SOX5: variants seen among roughly 807,000 people sequenced by gnomAD.
The protein encoded by SOX5 is transcription factor SOX-5.
SOX5 carries 9 observed loss-of-function variants against 92.0 expected under a neutral mutation model. The observed-to-expected ratio is 0.10, with a 90% CI of 0.06 to 0.17. The LOEUF is 0.17. Among genes scored for constraint, SOX5 ranks in the 10% least tolerant of loss-of-function variants. SOX5 has a pLI of 1.00. For synonymous variants in SOX5, 344 were observed against 336.3 expected (o/e 1.02, Z -0.25); for missense variants, 642 against 944.5 (o/e 0.68, Z 4.20).
At chr12:23,673,231 T>C (rs933258261) in intron 6 of SOX5, among the ~76,000 whole-genome samples, 14 of 152,254 alleles carry the variant, frequency 9.2e-5, no homozygotes, top group African/African-American at 2.9e-4. Context: ...TATTTAAAAT[T>C]GGGTTATTAT....
intron 2 of SOX5, among the ~76,000 whole-genome samples, chr12:24,305,814 C>T (rs1471501690): frequency 6.6e-6 from 1 of 152,154 alleles, no homozygotes; most frequent in Non-Finnish European, 1.5e-5. Context: ...CCACGCTGGT[C>T]TTGAACTCCT....
chr12:24,022,427 G>A (rs550088021), intron 4 of SOX5, among the ~76,000 whole-genome samples: 11 of 152,260 alleles, frequency 7.2e-5, no homozygotes, highest in African/African-American at 2.6e-4. Context: ...CAAAAAAGCA[G>A]CCTTGTAGGC....
chr12:24,496,655 G>T (rs1474739109), intron 1 of SOX5, among the ~76,000 whole-genome samples: 1 of 152,128 alleles, frequency 6.6e-6, no homozygotes, highest in Non-Finnish European at 1.5e-5. Flanking sequence ...AGTTGGAAAA[G>T]AAACAATAAA....
At chr12:23,986,638 T>G (rs1056254072) in intron 4 of SOX5, among the ~76,000 whole-genome samples, 2 of 152,158 alleles carry the variant, frequency 1.3e-5, no homozygotes, top group East Asian at 1.9e-4. Context: ...AATAACAGAT[T>G]TGAATGATCC....
At chr12:23,858,578 C>A (rs569272003) in intron 2 of SOX5, among the ~76,000 whole-genome samples, 3 of 152,226 alleles carry the variant, frequency 2.0e-5, no homozygotes, top group Admixed American at 1.3e-4. Context: ...GAAGAGGGAA[C>A]CCTTATACAC....
intron 4 of SOX5, among the ~76,000 whole-genome samples, chr12:23,967,141 A>G (rs1947683730): frequency 6.6e-6 from 1 of 152,178 alleles, no homozygotes; most frequent in South Asian, 2.1e-4. Context: ...CATTTCATTT[A>G]TTACTCAATA....
intron 7 of SOX5, among the ~76,000 whole-genome samples, chr12:23,650,140 G>A (rs1329803873): frequency 3.9e-5 from 6 of 152,006 alleles, no homozygotes; most frequent in African/African-American, 1.2e-4. Flanking sequence ...AATCAAGTGA[G>A]GAGGATTCAC....
intron 3 of SOX5, among the ~76,000 whole-genome samples, chr12:23,770,605 T>C (rs2094901661): frequency 6.6e-6 from 1 of 152,172 alleles, no homozygotes; most frequent in Admixed American, 6.6e-5. Flanking sequence ...TTTTGTGAAA[T>C]TCTCTGAACG....
chr12:23,702,905 A>C (rs2090865255), intron 6 of SOX5, among the ~76,000 whole-genome samples: 1 of 152,090 alleles, frequency 6.6e-6, no homozygotes, highest in African/African-American at 2.4e-5. Flanking sequence ...AAGCTTATAG[A>C]ATTTCTCACA....
Position 23,970,382 on chromosome 12 carries a change from C to T in SOX5, c.-1-74358G>A, listed in dbSNP as rs142234031. On this transcript the variant is annotated intron_variant, in intron 4 of 4. Coordinates refer to the SOX5 transcript ENST00000446891. ...TCACAATGTTGTGCAACAACTACCA[C>T]TATCTGTTCTCGAAACTTTTTCATC... Among the ~76,000 whole-genome samples the T allele has an allele frequency of 6.9e-3, 1,048 of 152,254 alleles. 15 individuals are homozygous for T. Among genetic ancestry groups the T allele is most frequent in the African/African-American group, 0.024 (999 of 41,540 alleles).
intron 4 of SOX5, among the ~76,000 whole-genome samples, chr12:24,172,717 T>C (rs563328620): frequency 2.8e-4 from 42 of 152,244 alleles, no homozygotes; most frequent in African/African-American, 9.1e-4. Context: ...AGAAAGTTAC[T>C]GTCCCCACTG....
At chr12:24,308,847 A>AGTG (rs1333917432) in intron 2 of SOX5, among the ~76,000 whole-genome samples, 2 of 152,250 alleles carry the variant, frequency 1.3e-5, no homozygotes, top group East Asian at 3.8e-4. Context: ...GTATATGGAC[A>AGTG]GTGCCCTGAC....
intron 7 of SOX5, among the ~76,000 whole-genome samples, chr12:23,658,854 T>C (rs1329145254): frequency 1.3e-5 from 2 of 152,078 alleles, no homozygotes; most frequent in Admixed American, 6.6e-5. Flanking sequence ...GATCGTGCCA[T>C]TGCACTCCAG....
At chr12:24,112,054 G>C (rs1354841869) in intron 4 of SOX5, among the ~76,000 whole-genome samples, 1 of 152,102 alleles carries the variant, frequency 6.6e-6, no homozygotes. Context: ...TAAAGAACAA[G>C]GAACCATTAG....
chr12:24,558,312 C>T lies in SOX5; in HGVS notation c.-251+4017G>A, dbSNP rs142795021. Among the ~76,000 whole-genome samples the T allele has an allele frequency of 1.8e-4, 28 of 152,252 alleles. No individual in the cohort carries two copies. In the East Asian group the frequency reaches 5.2e-3, roughly 28 times the overall value. ...AGGTCAGGGTCCTCGCTGGTAAAGCCTTCAAAAGTCCCGTGTAGGCAGATA... is the reference window on the plus strand; with the variant it reads ...AGGTCAGGGTCCTCGCTGGTAAAGCTTTCAAAAGTCCCGTGTAGGCAGATA... On this transcript the variant is annotated intron_variant, in intron 1 of 4. Coordinates refer to the SOX5 transcript ENST00000446891.
At chr12:24,102,825 C>A (rs911227081) in intron 4 of SOX5, among the ~76,000 whole-genome samples, 4 of 152,142 alleles carry the variant, frequency 2.6e-5, no homozygotes, top group Non-Finnish European at 5.9e-5. Flanking sequence ...TTCATCTGTG[C>A]ATTTTGTTTT....
At chr12:24,034,961 G>A (rs1405281923) in intron 4 of SOX5, among the ~76,000 whole-genome samples, 3 of 152,000 alleles carry the variant, frequency 2.0e-5, no homozygotes, top group Non-Finnish European at 4.4e-5. Flanking sequence ...TTAACTGTGG[G>A]TCTCCACATG....
At chr12:23,675,627 G>A (rs1188263795) in intron 6 of SOX5, among the ~76,000 whole-genome samples, 2 of 152,116 alleles carry the variant, frequency 1.3e-5, no homozygotes, top group South Asian at 4.1e-4. Flanking sequence ...TCTTGAGACT[G>A]GCCTTGGCAA....
chr12:23,535,862 C>A (rs1236353640), intron 14 of SOX5, among the ~76,000 whole-genome samples: 2 of 152,140 alleles, frequency 1.3e-5, no homozygotes, highest in African/African-American at 2.4e-5. Flanking sequence ...ATTTCTGTAG[C>A]CCATCTACAG....
Sources: allele counts gnomAD v4.1 joint callset (sites outside exome capture counted in the v4.1 genomes callset), GRCh38; gene constraint gnomAD v4.1.1; transcripts MANE v1.5; gene names NCBI Gene and HGNC (gene_info 2026-07-23, HGNC 2026-07-21).